Variants in ABCA12 observed in about 807,000 individuals in gnomAD.
The protein encoded by ABCA12 is ATP binding cassette subfamily A member 12, also known as glucosylceramide transporter ABCA12.
Under a neutral mutation model 293.5 loss-of-function variants are expected in ABCA12, and 156 were observed. The observed-to-expected ratio is 0.53, with a 90% CI of 0.47 to 0.61. ABCA12 has a LOEUF of 0.61. ABCA12 is among the 20% of genes least tolerant of loss of function. The pLI, the probability that ABCA12 is intolerant of heterozygous loss-of-function variation, is 0.00. For synonymous variants in ABCA12, 1,063 were observed against 1,108.0 expected (o/e 0.96, Z 0.81); for missense variants, 2,797 against 3,090.2 (o/e 0.91, Z 2.25).
At chr2:215,054,521 C>T (rs1014030768) in intron 4 of ABCA12, 52 bp downstream of exon 4, 5 of 1,426,878 alleles carry the variant, frequency 3.5e-6, no homozygotes, top group African/African-American at 1.4e-5. Context: ...AAGATTAGAC[C>T]TTTACTGTTC....
rs1410928957 is a variant in ABCA12 at position 214,931,622 on chromosome 2, C to CACAT, written c.*1008_*1011dup. ...GCTGACAAACTTGTATAGATACACA[C>CACAT]ACATACACGCACACACGGTACATAA... On this transcript the variant is annotated 3_prime_UTR_variant, in exon 53 of 53. Transcript: ENST00000272895. The CACAT allele has an allele frequency of 1.3e-5, 2 of 152,770 alleles. No homozygotes were observed. The highest frequency in any genetic ancestry group is 3.9e-4 in the East Asian group (2 of 5,176). The allele number at this position is 152,770 out of a possible 1,614,324, so 9.5% of individuals were successfully genotyped here.
Position 215,113,700 on chromosome 2 carries a change from A to G in ABCA12, c.70-2010T>C, listed in dbSNP as rs1043219678. On this transcript the variant is annotated intron_variant, in intron 1 of 52. Coordinates refer to ENST00000272895, the MANE Select transcript of ABCA12 (RefSeq NM_173076.3). ...CAAGGCATTTGTAAATTTGAATGGGAGAAAAAAAGATTATATTTTTATTTT... is the reference window on the plus strand; with the variant it reads ...CAAGGCATTTGTAAATTTGAATGGGGGAAAAAAAGATTATATTTTTATTTT... Among the ~76,000 whole-genome samples, 7 of 152,288 alleles carry G rather than the reference A, an allele frequency of 4.6e-5. No individual in the cohort carries two copies. In the East Asian group the frequency reaches 1.4e-3, roughly 29 times the overall value.
At chr2:215,103,572 T>C (rs940520037) in intron 2 of ABCA12, among the ~76,000 whole-genome samples, 78 of 151,972 alleles carry the variant, frequency 5.1e-4, no homozygotes, top group African/African-American at 1.9e-3. Flanking sequence ...CACCTGGCCC[T>C]ATAACATCCC....
At chr2:215,121,706 A>G (rs59145105) in intron 1 of ABCA12, among the ~76,000 whole-genome samples, 7,295 of 152,200 alleles carry the variant, frequency 0.048, 572 homozygotes, top group African/African-American at 0.17. Context: ...GTGGAAGGAA[A>G]CCAGCAAGAG....
intron 50 of ABCA12, among the ~76,000 whole-genome samples, chr2:214,940,744 G>GTTTA (rs1559102502): frequency 2.6e-5 from 4 of 152,032 alleles, no homozygotes; most frequent in Non-Finnish European, 1.5e-5. Context: ...AGAATTTCTA[G>GTTTA]TTTATTTGTG....
chr2:215,089,695 A>G (rs942895044), intron 2 of ABCA12, among the ~76,000 whole-genome samples: 2 of 152,244 alleles, frequency 1.3e-5, no homozygotes, highest in East Asian at 3.8e-4. Context: ...AATTTCACAT[A>G]TATGATTCAG....
chr2:214,964,068 G>T (rs755455573), intron 39 of ABCA12, among the ~76,000 whole-genome samples: 2 of 152,028 alleles, frequency 1.3e-5, no homozygotes, highest in South Asian at 2.1e-4. Flanking sequence ...AGGATGCAAG[G>T]TTGGTTCAAC....
At chr2:215,102,151 T>G (rs950259246) in intron 2 of ABCA12, among the ~76,000 whole-genome samples, 1 of 152,246 alleles carries the variant, frequency 6.6e-6, no homozygotes. Flanking sequence ...GTTGAGATTA[T>G]GCATGACTTC....
At chr2:214,964,764 G>A (rs557023311) in intron 39 of ABCA12, among the ~76,000 whole-genome samples, 8 of 152,094 alleles carry the variant, frequency 5.3e-5, no homozygotes, top group Non-Finnish European at 1.0e-4. Context: ...CATGCTCATG[G>A]ATAAGAAGAA....
intron 1 of ABCA12, among the ~76,000 whole-genome samples, chr2:215,129,524 T>C (rs537432907): frequency 6.6e-6 from 1 of 152,336 alleles, no homozygotes; most frequent in South Asian, 2.1e-4. Context: ...CACTTGTATT[T>C]CTTCTTTTGA....
At chr2:215,025,012 C>T (rs1700707647) in intron 11 of ABCA12, among the ~76,000 whole-genome samples, 1 of 152,024 alleles carries the variant, frequency 6.6e-6, no homozygotes, top group South Asian at 2.1e-4. Flanking sequence ...CTGATGACAA[C>T]AATAAAAGTA....
At chr2:214,958,593 C>T (rs1699023770) in intron 40 of ABCA12, 139 bp from the exon 41 acceptor site, 4 of 855,164 alleles carry the variant, frequency 4.7e-6, no homozygotes. Flanking sequence ...TGCAAGGCAG[C>T]CAGATAATAT....
At chr2:215,000,682 A>C (rs776784261) in intron 22 of ABCA12, 23 bp downstream of exon 22, 13 of 1,613,082 alleles carry the variant, frequency 8.1e-6, no homozygotes. Context: ...ATCATTAAAA[A>C]GGCTGGAAGT....
At chr2:215,081,438 C>T (rs1701934804) in intron 2 of ABCA12, among the ~76,000 whole-genome samples, 1 of 131,450 alleles carries the variant, frequency 7.6e-6, no homozygotes, top group Non-Finnish European at 1.5e-5. Flanking sequence ...GAGATCGTGC[C>T]ACTGCACTCC....
intron 36 of ABCA12, 105 bp downstream of exon 36, chr2:214,973,844 A>G (rs137951418): frequency 1.0e-6 from 1 of 996,818 alleles, no homozygotes; most frequent in Non-Finnish European, 1.6e-6. Context: ...TAGCTTCCAT[A>G]AAATGAACTT....
Position 214,934,040 on chromosome 2 carries a change from T to C in ABCA12, c.7680+38A>G, listed in dbSNP as rs1442665694. On this transcript the variant is annotated intron_variant, in intron 52 of 52. Coordinates refer to ENST00000272895, the MANE Select transcript of ABCA12 (RefSeq NM_173076.3). Reference sequence around the variant, plus strand: ...ACCAGAATGAATAATAATATTAATATGTGACGTTGTGCACATGGATCGTGG... The same window carrying C: ...ACCAGAATGAATAATAATATTAATACGTGACGTTGTGCACATGGATCGTGG... The C allele has an allele frequency of 3.1e-6, 5 of 1,594,086 alleles. No individual in the cohort carries two copies. The Admixed American group carries it at 5.0e-5, about 16-fold the overall frequency.
intron 2 of ABCA12, among the ~76,000 whole-genome samples, chr2:215,100,590 CACTTTT>C (rs1202284158): frequency 6.6e-6 from 1 of 152,022 alleles, no homozygotes; most frequent in African/African-American, 2.4e-5. Context: ...CTATATTTAA[CACTTTT>C]ACTTTAATTA....
intron 9 of ABCA12, among the ~76,000 whole-genome samples, chr2:215,028,304 A>C (rs1700794859): frequency 6.6e-6 from 1 of 152,262 alleles, no homozygotes; most frequent in Admixed American, 6.5e-5. Context: ...ATCCTTGAGG[A>C]ACTTTAAAAG....
At chr2:214,999,391 A>G (rs1215182801) in intron 22 of ABCA12, among the ~76,000 whole-genome samples, 1 of 152,232 alleles carries the variant, frequency 6.6e-6, no homozygotes, top group Non-Finnish European at 1.5e-5. Flanking sequence ...GGGCAAGTTA[A>G]TTAGCCTTTC....
Sources: gnomAD v4.1 joint callset for allele counts (sites outside exome capture counted in the v4.1 genomes callset) on GRCh38, gnomAD v4.1.1 for gene constraint, MANE v1.5 for transcripts, NCBI Gene and HGNC (gene_info 2026-07-23, HGNC 2026-07-21) for gene names.